Variants in EIF4E3 observed in about 807,000 individuals in gnomAD.
EIF4E3 encodes eukaryotic translation initiation factor 4E type 3.
EIF4E3 carries 26 observed loss-of-function variants against 31.7 expected under a neutral mutation model. That is an observed-to-expected ratio of 0.82 (90% CI 0.60 to 1.14). The LOEUF is 1.14. Ranked by LOEUF, EIF4E3 falls within the 50% of genes most tolerant of loss-of-function variation. The pLI is 0.00. For synonymous variants in EIF4E3, 128 were observed against 107.7 expected (o/e 1.19, Z -1.17); for missense variants, 304 against 270.9 (o/e 1.12, Z -0.86).
intron 1 of EIF4E3, among the ~76,000 whole-genome samples, chr3:71,714,305 C>CGAAG (rs1300162116): frequency 0.033 from 2,980 of 90,160 alleles, 51 homozygotes; most frequent in East Asian, 0.084. Context: ...AAGGAAGGAA[C>CGAAG]GAAAGAAAGG....
intron 1 of EIF4E3, among the ~76,000 whole-genome samples, chr3:71,738,570 T>C (rs1176772577): frequency 6.6e-6 from 1 of 152,056 alleles, no homozygotes; most frequent in Non-Finnish European, 1.5e-5. Flanking sequence ...GAGAAGGACA[T>C]TACATAATTA....
In EIF4E3 at chr3:71,681,473, T is replaced by TGAGAGG. The variant is rs1026289753; in HGVS notation, c.*3203_*3208dup. 4.6e-5 allele frequency: 7 copies of TGAGAGG among 152,264 alleles called. No individual in the cohort carries two copies. Among genetic ancestry groups the TGAGAGG allele is most frequent in the African/African-American group, 1.7e-4 (7 of 41,452 alleles). 9.4% of individuals were successfully genotyped at this position (152,264 alleles called of 1,614,324 possible). On this transcript the variant is annotated 3_prime_UTR_variant, in exon 7 of 7. Transcript: ENST00000425534. The stretch of plus-strand genomic sequence containing the variant: ...CAAACCCCAGCACCACTTCTGTCTC[T>TGAGAGG]GAGAGGGAGAGGGAGAGAAGGAGGA...
In EIF4E3 at chr3:71,696,448, G is replaced by A. The variant is rs752195959; in HGVS notation, c.405+12C>T. On this transcript the variant is annotated intron_variant, in intron 4 of 6. Transcript: ENST00000425534. ...CCTCGCCGGTTCTAGAAGAGGATCAGTAGGAACCTACCGTGCTGTCCTTGG... is the reference window on the plus strand; with the variant it reads ...CCTCGCCGGTTCTAGAAGAGGATCAATAGGAACCTACCGTGCTGTCCTTGG... 6.2e-7 allele frequency: 1 copy of A among 1,613,940 alleles called. No homozygotes were observed. The highest frequency in any genetic ancestry group is 8.5e-7 in the Non-Finnish European group (1 of 1,179,990).
At chr3:71,707,248 T>C (rs1271871679) in intron 2 of EIF4E3, among the ~76,000 whole-genome samples, 2 of 152,222 alleles carry the variant, frequency 1.3e-5, no homozygotes, top group Admixed American at 1.3e-4. Flanking sequence ...ATTATTTCCA[T>C]CTTACAGATG....
At chr3:71,718,940 G>C (rs559214956) in intron 1 of EIF4E3, among the ~76,000 whole-genome samples, 1 of 152,316 alleles carries the variant, frequency 6.6e-6, no homozygotes, top group South Asian at 2.1e-4. Flanking sequence ...CAGCCACTCT[G>C]TCCCTGTCAA....
chr3:71,714,938 T>C (rs2049442023), intron 1 of EIF4E3, among the ~76,000 whole-genome samples: 1 of 152,228 alleles, frequency 6.6e-6, no homozygotes, highest in South Asian at 2.1e-4. Context: ...TTTTTACTGG[T>C]ATCACACATA....
intron 1 of EIF4E3, among the ~76,000 whole-genome samples, chr3:71,753,086 G>A (rs2049951004): frequency 6.6e-6 from 1 of 152,110 alleles, no homozygotes; most frequent in African/African-American, 2.4e-5. Context: ...TCCAGCACTG[G>A]AAATCAGACC....
At chr3:71,740,409 T>C (rs982525279) in intron 1 of EIF4E3, among the ~76,000 whole-genome samples, 6 of 152,228 alleles carry the variant, frequency 3.9e-5, no homozygotes, top group African/African-American at 1.4e-4. Context: ...TGCATTTTTC[T>C]TTCTGCATGT....
At chr3:71,740,542 T>C (rs1389603258) in intron 1 of EIF4E3, among the ~76,000 whole-genome samples, 1 of 152,182 alleles carries the variant, frequency 6.6e-6, no homozygotes, top group Admixed American at 6.5e-5. Context: ...GCGACCAGCC[T>C]GGGCAACATG....
chr3:71,725,190 A>C lies in EIF4E3; in HGVS notation c.176+2T>G. On this transcript the variant is annotated splice_donor_variant, in intron 1 of 6. Coordinates refer to ENST00000425534, the MANE Select transcript of EIF4E3 (RefSeq NM_001134651.2). LOFTEE classifies it high-confidence loss of function. This position sits in a 1 kb window ranked among gnomAD's most constrained non-coding sequence, Gnocchi z 6.1. Reference sequence around the variant, plus strand: ...TGCGCGGCGGGCCCCGCGCCCCCTCACCTGTCGAGCCAGAAGGTCCAGGAC... The same window carrying C: ...TGCGCGGCGGGCCCCGCGCCCCCTCCCCTGTCGAGCCAGAAGGTCCAGGAC... 9.0e-7 allele frequency: 1 copy of C among 1,106,408 alleles called. No homozygotes were observed. The highest frequency in any genetic ancestry group is 1.1e-6 in the Non-Finnish European group (1 of 908,234). The allele number at this position is 1,106,408 out of a possible 1,614,324, so 68.5% of individuals were successfully genotyped here.
rs547554504 is a variant in EIF4E3, at chr3:71,730,821, C to T, written c.-290-2198G>A. Among the ~76,000 whole-genome samples the T allele has an allele frequency of 2.0e-5, 3 of 152,126 alleles. No individual in the cohort carries two copies. In the South Asian group the frequency reaches 6.2e-4, roughly 32 times the overall value. On this transcript the variant is annotated intron_variant, in intron 1 of 7. Transcript: ENST00000295612. ...TCTTGGCTCATGCAGCCTCGGCCTC[C>T]CAGGCTCAAGCAATCCTCCCATCTC... is the stretch of plus-strand genomic sequence containing the variant.
chr3:71,752,721 A>G (rs1369283037), intron 1 of EIF4E3, among the ~76,000 whole-genome samples: 2 of 152,242 alleles, frequency 1.3e-5, no homozygotes, highest in African/African-American at 4.8e-5. Flanking sequence ...ATGAAAGTAT[A>G]TAATGACAAA....
chr3:71,676,798 C>T lies in EIF4E3; in HGVS notation c.*7884G>A, dbSNP rs2048877963. ...GTCTTGTCCTTTATAACTTGACTATCTTCATGAAACACTAATTATTTTCGC... is the reference window on the plus strand; with the variant it reads ...GTCTTGTCCTTTATAACTTGACTATTTTCATGAAACACTAATTATTTTCGC... On this transcript the variant is annotated 3_prime_UTR_variant, in exon 7 of 7. Coordinates refer to ENST00000425534, the MANE Select transcript of EIF4E3 (RefSeq NM_001134651.2). The T allele has an allele frequency of 6.6e-6, 1 of 151,814 alleles. No individual in the cohort carries two copies. The highest frequency in any genetic ancestry group is 2.4e-5 in the African/African-American group (1 of 41,332). The allele number at this position is 151,814 out of a possible 1,614,324, so 9.4% of individuals were successfully genotyped here.
At chr3:71,712,648 T>G in intron 1 of EIF4E3, among the ~76,000 whole-genome samples, 2 of 142,888 alleles carry the variant, frequency 1.4e-5, no homozygotes, top group Non-Finnish European at 3.0e-5. Flanking sequence ...GCGGGGGAGA[T>G]TCTAGGGCTC....
intron 2 of EIF4E3, among the ~76,000 whole-genome samples, chr3:71,702,568 C>A (rs2049233243): frequency 6.6e-6 from 1 of 152,148 alleles, no homozygotes; most frequent in South Asian, 2.1e-4. Flanking sequence ...AAACAGACAA[C>A]TGATTCTGCT....
chr3:71,733,623 G>A (rs1225942067), intron 1 of EIF4E3, among the ~76,000 whole-genome samples: 2 of 152,132 alleles, frequency 1.3e-5, no homozygotes, highest in Admixed American at 1.3e-4. Flanking sequence ...GCTTCCTGAG[G>A]GGTGGGGAGC....
At chr3:71,699,760 A>G in intron 2 of EIF4E3, 52 bp from the exon 3 acceptor site, 1 of 1,455,448 alleles carries the variant, frequency 6.9e-7, no homozygotes, top group African/African-American at 1.4e-5. Flanking sequence ...TTGATTTATT[A>G]TGCTGCTAGA....
intron 1 of EIF4E3, among the ~76,000 whole-genome samples, chr3:71,716,174 A>G (rs192119831): frequency 6.0e-4 from 91 of 152,108 alleles, no homozygotes; most frequent in Non-Finnish European, 1.2e-3. Context: ...CAAAAAAAAT[A>G]CCCCCAAATG....
At chr3:71,732,835 G>A (rs906164039) in intron 1 of EIF4E3, among the ~76,000 whole-genome samples, 2 of 152,264 alleles carry the variant, frequency 1.3e-5, no homozygotes, top group Non-Finnish European at 2.9e-5. Context: ...ACAGCCATGT[G>A]CTTTGGGACA....
Sources: allele counts gnomAD v4.1 joint callset (sites outside exome capture counted in the v4.1 genomes callset), GRCh38; gene constraint gnomAD v4.1.1; non-coding constraint Gnocchi (gnomAD v3.1); transcripts MANE v1.5; gene names NCBI Gene and HGNC (gene_info 2026-07-23, HGNC 2026-07-21).